The following SNX33 variants were observed in gnomAD, a reference collection of about 807,000 sequenced individuals.
SNX33 encodes sorting nexin-33.
In SNX33, 19 loss-of-function variants were observed where a neutral mutation model predicts 38.8. That is an observed-to-expected ratio of 0.49 (90% CI 0.34 to 0.72). SNX33 has a LOEUF of 0.72. Ranked by LOEUF, SNX33 falls within the 30% of genes least tolerant of loss-of-function variation. SNX33 has a pLI of 0.01. For synonymous variants in SNX33, 246 were observed against 289.7 expected (o/e 0.85, Z 1.53); for missense variants, 641 against 776.4 (o/e 0.83, Z 2.07).
chr15:75,654,111 A>AAAAAG (rs1893622155), intron 1 of SNX33, among the ~76,000 whole-genome samples: 1 of 152,006 alleles, frequency 6.6e-6, no homozygotes, highest in African/African-American at 2.4e-5. Flanking sequence ...AAAAAAAAAA[A>AAAAAG]AAAAGAAAAG....
chr15:75,656,997 A>C lies in SNX33; in HGVS notation c.1507A>C (p.Ser503Arg), dbSNP rs1893660495. Residue 503 changes from serine to arginine, a missense_variant, in exon 2 of 2, where the codon AGT (serine) becomes CGT (arginine). Ser to Arg is a moderately radical substitution (Grantham distance 110, BLOSUM62 -1). Transcript: ENST00000308527. ...FAKVKESQRMSDEGRMVQDEA... is the reference protein window; with the variant it reads ...FAKVKESQRMRDEGRMVQDEA... ...CAAGGTGAAGGAGAGCCAACGCATG[A>C]GTGACGAGGGCCGCATGGTGCAGGA... The C allele has an allele frequency of 1.9e-6, 3 of 1,613,950 alleles. No homozygotes were observed. The highest frequency in any genetic ancestry group is 1.3e-5 in the African/African-American group (1 of 75,054).
rs552916803 is a variant in SNX33 at position 75,650,961 on chromosome 15, C to T, written c.1471+388C>T. The stretch of plus-strand genomic sequence containing the variant: ...TGCAGGGATATTGTTGTGCACAGGC[C>T]CGGTCTCTGTCCTCATGGAGCTTGA... On this transcript the variant is annotated intron_variant, in intron 1 of 1. Coordinates refer to ENST00000308527, the MANE Select transcript of SNX33 (RefSeq NM_153271.2). This position sits in a 1 kb window ranked among gnomAD's most constrained non-coding sequence, Gnocchi z 6.1. 5.3e-5 allele frequency among the ~76,000 whole-genome samples: 8 copies of T among 152,336 alleles called. No individual in the cohort carries two copies. The South Asian group carries it at 1.2e-3, about 24-fold the overall frequency.
chr15:75,660,387 A>T lies in SNX33; in HGVS notation c.*3172A>T, dbSNP rs946297043. 1.3e-5 allele frequency: 2 copies of T among 152,196 alleles called. No homozygotes were observed. The highest frequency in any genetic ancestry group is 4.8e-5 in the African/African-American group (2 of 41,426). 9.4% of individuals were successfully genotyped at this position (152,196 alleles called of 1,614,324 possible). Reference sequence around the variant, plus strand: ...AGGCCTGGGAGAGGCAGGTGGCCCCATCGGCCCCTGCTCTGCACCACCCCT... The same window carrying T: ...AGGCCTGGGAGAGGCAGGTGGCCCCTTCGGCCCCTGCTCTGCACCACCCCT... On this transcript the variant is annotated 3_prime_UTR_variant, in exon 2 of 2. Coordinates refer to ENST00000308527, the MANE Select transcript of SNX33 (RefSeq NM_153271.2).
At position 75,651,826 on chromosome 15, in the gene SNX33, CA is replaced by C. The variant is rs753658626; in HGVS notation, c.1471+1254del. Among the ~76,000 whole-genome samples the C allele has an allele frequency of 5.3e-5, 8 of 152,322 alleles. No homozygotes were observed. In the East Asian group the frequency reaches 1.4e-3, roughly 26 times the overall value. Reference sequence around the variant, plus strand: ...TGGGGAGTTTGACTCTGGGTGGGGCCAGGGGGCAGACCTCTGCACTGAGCCT... The same window carrying C: ...TGGGGAGTTTGACTCTGGGTGGGGCCGGGGGCAGACCTCTGCACTGAGCCT... On this transcript the variant is annotated intron_variant, in intron 1 of 1. Transcript: ENST00000308527.
In SNX33 at chr15:75,648,929, A is replaced by G; in HGVS notation, c.-174A>G. 1.4e-6 allele frequency: 1 copy of G among 728,860 alleles called. No homozygotes were observed. The highest frequency in any genetic ancestry group is 3.5e-5 in the Admixed American group (1 of 28,738). The allele number at this position is 728,860 out of a possible 1,614,324, so 45.1% of individuals were successfully genotyped here. On this transcript the variant is annotated 5_prime_UTR_variant, in exon 1 of 2. An upstream open reading frame in the 5' UTR loses its in-frame stop. Transcript: ENST00000308527. The surrounding 1 kb of genome is among the most constrained non-coding windows in gnomAD (Gnocchi z 4.4). ...TTTCTGGGCCATGGACATTGCTTTG[A>G]AGAGGGGGAGACTGGACAGCATCTG...
chr15:75,648,061 T>A lies in SNX33; in HGVS notation c.-1042T>A. ...GACGGACAGACGGCTGGCCGCGCCA[T>A]CTGCTCGCCGGAGCTCACTCTCCAA... is the stretch of plus-strand genomic sequence containing the variant. On this transcript the variant is annotated 5_prime_UTR_variant, in exon 1 of 2. Transcript: ENST00000308527. The surrounding 1 kb of genome is among the most constrained non-coding windows in gnomAD (Gnocchi z 4.4). 4.1e-6 allele frequency: 4 copies of A among 985,376 alleles called. No homozygotes were observed. The highest frequency in any genetic ancestry group is 4.8e-6 in the Non-Finnish European group (4 of 829,920). The allele number at this position is 985,376 out of a possible 1,614,324, so 61.0% of individuals were successfully genotyped here.
At chr15:75,656,811 G>A (rs1893657159) in intron 1 of SNX33, 151 bp from the exon 2 acceptor site, 1 of 1,258,324 alleles carries the variant, frequency 7.9e-7, no homozygotes, top group East Asian at 2.6e-5. Context: ...GTAACATCCT[G>A]GCAGAGACAC....
chr15:75,649,065 C>G lies in SNX33; in HGVS notation c.-38C>G, dbSNP rs748087273. The G allele has an allele frequency of 5.8e-6, 9 of 1,545,094 alleles. No homozygotes were observed. Among genetic ancestry groups the G allele is most frequent in the Non-Finnish European group, 7.9e-6 (9 of 1,143,734 alleles). On this transcript the variant is annotated 5_prime_UTR_variant, in exon 1 of 2. Transcript: ENST00000308527. The surrounding 1 kb of genome is among the most constrained non-coding windows in gnomAD (Gnocchi z 6.6). ...TGAGCATCCCCGGTCTGGGCAGGAC[C>G]CTCTCCTTCCCATCTTTCTATACCA...
Position 75,657,397 on chromosome 15 carries a change from C to A in SNX33, c.*182C>A. The A allele has an allele frequency of 9.8e-7, 1 of 1,018,482 alleles. No homozygotes were observed. The highest frequency in any genetic ancestry group is 1.6e-5 in the African/African-American group (1 of 62,178). The allele number at this position is 1,018,482 out of a possible 1,614,324, so 63.1% of individuals were successfully genotyped here. ...GTCATGGGTGCCCCTGGGAAATTCC[C>A]CACTCCTTAGAAGTGGGGCACAGCA... On this transcript the variant is annotated 3_prime_UTR_variant, in exon 2 of 2. Transcript: ENST00000308527. This position sits in a 1 kb window ranked among gnomAD's most constrained non-coding sequence, Gnocchi z 5.5.
At position 75,648,769 on chromosome 15, in the gene SNX33, A is replaced by G. The variant is rs891001789; in HGVS notation, c.-334A>G. ...CTCGCAGGGCAGATTTCTCCAGGTC[A>G]CTTGACTTTTCTTCTGGGAGTAGGA... On this transcript the variant is annotated 5_prime_UTR_variant, in exon 1 of 2. Transcript: ENST00000308527. The surrounding 1 kb of genome is among the most constrained non-coding windows in gnomAD (Gnocchi z 4.4). 4 of 228,114 alleles carry G rather than the reference A, an allele frequency of 1.8e-5. No individual in the cohort carries two copies. Among genetic ancestry groups the G allele is most frequent in the Admixed American group, 5.9e-5 (1 of 17,092 alleles). 14.1% of individuals were successfully genotyped at this position (228,114 alleles called of 1,614,324 possible).
rs954065039 is a variant in SNX33 at position 75,657,321 on chromosome 15, G to C, written c.*106G>C. ...AGTGACTGGGGGAGGGGTCAGCGGT[G>C]GGGGAGATAAGCGGCCTGTCCTGCC... is the stretch of plus-strand genomic sequence containing the variant. On this transcript the variant is annotated 3_prime_UTR_variant, in exon 2 of 2. Coordinates refer to ENST00000308527, the MANE Select transcript of SNX33 (RefSeq NM_153271.2). This position sits in a 1 kb window ranked among gnomAD's most constrained non-coding sequence, Gnocchi z 5.5. 2.6e-6 allele frequency: 4 copies of C among 1,545,612 alleles called. No individual in the cohort carries two copies. In the African/African-American group the frequency reaches 4.1e-5, roughly 16 times the overall value.
intron 1 of SNX33, among the ~76,000 whole-genome samples, chr15:75,651,623 C>T (rs1216690993): frequency 2.0e-5 from 3 of 152,272 alleles, no homozygotes; most frequent in South Asian, 4.1e-4. Context: ...CCTGGCTTCT[C>T]TTCTTGCCTG....
chr15:75,649,757 C>T lies in SNX33; in HGVS notation c.655C>T (p.Arg219Cys), dbSNP rs747196361. 107 of 1,525,004 alleles carry T rather than the reference C, an allele frequency of 7.0e-5. No homozygotes were observed. The highest frequency in any genetic ancestry group is 3.5e-4 in the Middle Eastern group (2 of 5,662). The allele number at this position is 1,525,004 out of a possible 1,614,324, so 94.5% of individuals were successfully genotyped here. A position where few individuals can be genotyped will look rare whatever the true frequency, so the allele number is the denominator to read the frequency against. ...GACATACTCCATTGAAATGGGCCCTCGTGGCCCCCAGTGGAAGGCCAATCC... is the reference window on the plus strand; with the variant it reads ...GACATACTCCATTGAAATGGGCCCTTGTGGCCCCCAGTGGAAGGCCAATCC... ...AETYSIEMGPRGPQWKANPHP... is the reference protein window; with the variant it reads ...AETYSIEMGPCGPQWKANPHP... The change falls in exon 1 of 2, where the codon CGT becomes TGT. Residue 219 changes from arginine to cysteine, a missense_variant. By Grantham distance (180) the Arg-to-Cys change is radical. Transcript: ENST00000308527. This position sits in a 1 kb window ranked among gnomAD's most constrained non-coding sequence, Gnocchi z 6.6.
intron 1 of SNX33, among the ~76,000 whole-genome samples, chr15:75,655,322 C>G (rs964010576): frequency 2.6e-5 from 4 of 152,214 alleles, no homozygotes; most frequent in African/African-American, 9.7e-5. Flanking sequence ...CTTTCTAGCT[C>G]TGAAGTCTCT....
At position 75,660,773 on chromosome 15, in the gene SNX33, C is replaced by T. The variant is rs907539628; in HGVS notation, c.*3558C>T. ...TGTCATAAGCATCTCTGTGCCTGGA[C>T]TGCACCTGCATGACCTCCCAGGGTC... On this transcript the variant is annotated 3_prime_UTR_variant, in exon 2 of 2. Coordinates refer to ENST00000308527, the MANE Select transcript of SNX33 (RefSeq NM_153271.2). 6.6e-6 allele frequency: 1 copy of T among 152,416 alleles called. No individual in the cohort carries two copies. The highest frequency in any genetic ancestry group is 1.5e-5 in the Non-Finnish European group (1 of 68,072). The allele number at this position is 152,416 out of a possible 1,614,324, so 9.4% of individuals were successfully genotyped here.
Position 75,648,684 on chromosome 15 carries a change from T to C in SNX33, c.-419T>C, listed in dbSNP as rs1893529813. 2 of 269,710 alleles carry C rather than the reference T, an allele frequency of 7.4e-6. No homozygotes were observed. 16.7% of individuals were successfully genotyped at this position (269,710 alleles called of 1,614,324 possible). A position where few individuals can be genotyped will look rare whatever the true frequency, so the allele number is the denominator to read the frequency against. ...TGCCCGGGTTTCTGGAATGGTGGTTTCAGAGTGAGTCTCTTCTATTTTAGA... is the reference window on the plus strand; with the variant it reads ...TGCCCGGGTTTCTGGAATGGTGGTTCCAGAGTGAGTCTCTTCTATTTTAGA... On this transcript the variant is annotated 5_prime_UTR_variant, in exon 1 of 2. Transcript: ENST00000308527. This position sits in a 1 kb window ranked among gnomAD's most constrained non-coding sequence, Gnocchi z 4.4.
At position 75,657,046 on chromosome 15, in the gene SNX33, G is replaced by A. The variant is rs1327418745; in HGVS notation, c.1556G>A (p.Arg519His). 5 of 1,614,150 alleles carry A rather than the reference G, an allele frequency of 3.1e-6. No individual in the cohort carries two copies. Among genetic ancestry groups the A allele is most frequent in the Admixed American group, 3.3e-5 (2 of 60,032 alleles). ...VQDEADGIRR[R>H]CRVVGFALQA... Reference sequence around the variant, plus strand: ...GACGAGGCAGACGGCATTCGCAGGCGCTGCCGCGTGGTGGGTTTCGCCCTG... The same window carrying A: ...GACGAGGCAGACGGCATTCGCAGGCACTGCCGCGTGGTGGGTTTCGCCCTG... Residue 519 changes from arginine (R) to histidine (H), a missense_variant, in exon 2 of 2, where the codon CGC becomes CAC. Coordinates refer to ENST00000308527, the MANE Select transcript of SNX33 (RefSeq NM_153271.2). The surrounding 1 kb of genome is among the most constrained non-coding windows in gnomAD (Gnocchi z 5.5).
At position 75,649,903 on chromosome 15, in the gene SNX33, C is replaced by T. The variant is rs144131093; in HGVS notation, c.801C>T (p.Tyr267=). Residue 267 remains tyrosine (Y), a synonymous_variant, in exon 1 of 2, where the codon TAC becomes TAT. Coordinates refer to ENST00000308527, the MANE Select transcript of SNX33 (RefSeq NM_153271.2). The surrounding 1 kb of genome is among the most constrained non-coding windows in gnomAD (Gnocchi z 6.6). The stretch of plus-strand genomic sequence containing the variant: ...CTGCCTCACCCGTCTACCGGCGCTA[C>T]AAACACTTTGACTGGCTCTATAACC... ...THAASPVYRR[Y]KHFDWLYNRL... is the part of the protein sequence containing the mutation. The T allele has an allele frequency of 8.0e-5, 126 of 1,571,170 alleles. No individual in the cohort carries two copies. The highest frequency in any genetic ancestry group is 9.9e-5 in the Non-Finnish European group (115 of 1,160,734).
chr15:75,656,844 T>TG (rs1234178317), intron 1 of SNX33, 118 bp from the exon 2 acceptor site: 3 of 1,459,234 alleles, frequency 2.1e-6, no homozygotes, highest in Non-Finnish European at 2.7e-6. Context: ...AATGTGGGTC[T>TG]GGGGCTCAGG....
Sources: gnomAD v4.1 joint callset for allele counts (sites outside exome capture counted in the v4.1 genomes callset) on GRCh38, gnomAD v4.1.1 for gene constraint, Gnocchi (gnomAD v3.1) non-coding constraint, MANE v1.5 for transcripts, NCBI Gene and HGNC (gene_info 2026-07-23, HGNC 2026-07-21) for gene names.